The following PORCN variants were observed in gnomAD, a reference collection of about 807,000 sequenced individuals.
The protein encoded by PORCN is porcupine O-acyltransferase.
In PORCN, 1 loss-of-function variant was observed where a neutral mutation model predicts 43.0. The observed-to-expected ratio is 0.02, with a 90% CI of 0.01 to 0.11. PORCN has a LOEUF of 0.11. PORCN is among the 10% of genes least tolerant of loss of function. The pLI is 1.00. For synonymous variants in PORCN, 148 were observed against 166.4 expected (o/e 0.89, Z 0.85); for missense variants, 240 against 392.1 (o/e 0.61, Z 3.28).
At chrX:48,515,551 T>C (rs1437622425) in intron 10 of PORCN, 166 bp from the exon 11 acceptor site, 9 of 499,775 alleles carry the variant, frequency 1.8e-5, no homozygotes, top group Admixed American at 1.6e-4. Flanking sequence ...AGGAGCAGGC[T>C]GGGAAGATCG....
chrX:48,511,969 C>G (rs200164801), intron 4 of PORCN, 34 bp downstream of exon 4: 670 of 1,135,902 alleles, frequency 5.9e-4, no homozygotes, highest in Non-Finnish European at 7.4e-4. Flanking sequence ...CTGCCCAACC[C>G]CCCTGCCCCA....
At chrX:48,514,166 G>A in intron 8 of PORCN, 25 bp downstream of exon 8, 1 of 1,212,069 alleles carries the variant, frequency 8.3e-7, no homozygotes, top group Non-Finnish European at 1.1e-6. Flanking sequence ...CGGGGCCCAG[G>A]ATGCTGACAT....
chrX:48,519,770 C>T (rs1169964541), intron 14 of PORCN, among the ~76,000 whole-genome samples: 2 of 112,245 alleles, frequency 1.8e-5, no homozygotes, highest in African/African-American at 6.5e-5. Context: ...CCCAGGCAGG[C>T]AGATCACTTG....
rs368248747 is a variant in PORCN, at chrX:48,520,597, AACACACACACACAC to A, written c.*133_*146del. On this transcript the variant is annotated 3_prime_UTR_variant, in exon 15 of 15. Transcript: ENST00000326194. ...CTCCATCCTTGACCCCCAACACCTC[AACACACACACACAC>A]ACACACACACAAAATCACACCATTT... The A allele has an allele frequency of 6.2e-6, 3 of 484,964 alleles. No homozygotes were observed. The African/African-American group carries it at 7.5e-5, about 12-fold the overall frequency. 40.0% of individuals were successfully genotyped at this position (484,964 alleles called of 1,213,427 possible).
chrX:48,519,733 T>A (rs782262859), intron 14 of PORCN, among the ~76,000 whole-genome samples: 1 of 112,715 alleles, frequency 8.9e-6, no homozygotes, highest in Non-Finnish European at 1.9e-5. Flanking sequence ...GGGTGGCTCA[T>A]GCCTGTAATC....
rs1280857497 is a variant in PORCN at position 48,519,879 on chromosome X, C to T, written c.1285-496C>T. 7.1e-5 allele frequency among the ~76,000 whole-genome samples: 8 copies of T among 111,928 alleles called. No individual in the cohort carries two copies. In the East Asian group the frequency reaches 2.2e-3, roughly 31 times the overall value. On this transcript the variant is annotated intron_variant, in intron 14 of 14. Coordinates refer to ENST00000326194, the MANE Select transcript of PORCN (RefSeq NM_203475.3). ...GGCATGGTGGTGCAGCATCTGTAAT[C>T]CCAGCTACTCAGGAGGCTGAGGCAG... is the stretch of plus-strand genomic sequence containing the variant.
intron 1 of PORCN, chrX:48,509,423 G>C: frequency 1.3e-6 from 1 of 757,396 alleles, no homozygotes; most frequent in African/African-American, 2.2e-5. Flanking sequence ...CCTCCACTCA[G>C]AGCGACTCTA....
chrX:48,515,693 T>C (rs375670534), intron 10 of PORCN, 24 bp from the exon 11 acceptor site: 360 of 1,184,835 alleles, frequency 3.0e-4, no homozygotes, highest in Non-Finnish European at 3.9e-4. Context: ...AGGAGAATTT[T>C]ATCCCACATC....
chrX:48,517,338 A>G (rs1556975645), intron 14 of PORCN, 45 bp downstream of exon 14: 4 of 940,630 alleles, frequency 4.3e-6, no homozygotes, highest in Non-Finnish European at 6.0e-6. Flanking sequence ...GGGTGGCGCT[A>G]TCTGGCGGGG....
chrX:48,512,021 C>T (rs1358992085), intron 4 of PORCN, 86 bp downstream of exon 4: 7 of 773,704 alleles, frequency 9.0e-6, no homozygotes, highest in Non-Finnish European at 1.4e-5. Flanking sequence ...CCTTTCCTCT[C>T]CTGCTTTTCT....
chrX:48,519,650 C>A (rs74770318), intron 14 of PORCN, among the ~76,000 whole-genome samples: 1 of 112,144 alleles, frequency 8.9e-6, no homozygotes, highest in African/African-American at 3.2e-5. Context: ...GCCTGCTGCC[C>A]CACCAGTACA....
Position 48,512,667 on chromosome X carries a change from C to T in PORCN, c.634C>T (p.Pro212Ser). 1 of 1,211,158 alleles carries T rather than the reference C, an allele frequency of 8.3e-7. No homozygotes were observed. Among genetic ancestry groups the T allele is most frequent in the Admixed American group, 2.2e-5 (1 of 45,974 alleles). Reference sequence around the variant, plus strand: ...CCTTGTGCTGTCCACTTGCGTGGGCCCCTACCTCTTCCCGTACTTCATCCC... The same window carrying T: ...CCTTGTGCTGTCCACTTGCGTGGGCTCCTACCTCTTCCCGTACTTCATCCC... ...LCLVLSTCVG[P>S]YLFPYFIPLN... The change falls in exon 6 of 15, where the codon CCC (proline) becomes TCC (serine). Residue 212 changes from proline (P) to serine (S), a missense_variant. Transcript: ENST00000326194.
intron 14 of PORCN, among the ~76,000 whole-genome samples, chrX:48,517,575 T>G (rs1569478829): frequency 8.9e-6 from 1 of 112,730 alleles, no homozygotes; most frequent in Non-Finnish European, 1.9e-5. Context: ...CCCAGCACTT[T>G]GGGAGGCCAA....
chrX:48,520,023 G>T (rs1174703015), intron 14 of PORCN, among the ~76,000 whole-genome samples: 2 of 111,447 alleles, frequency 1.8e-5, no homozygotes, highest in Non-Finnish European at 3.8e-5. Flanking sequence ...AAATGAGGAA[G>T]ATTATTAATG....
intron 10 of PORCN, chrX:48,515,471 A>G: frequency 2.3e-6 from 1 of 434,771 alleles, no homozygotes; most frequent in Admixed American, 3.9e-5. Flanking sequence ...AATCAAGGGT[A>G]ATTCCCAGGT....
chrX:48,511,877 C>A lies in PORCN; in HGVS notation c.330-15C>A. ...ATGAGTGTCATGGGACCAAGACCAGCACCTTTTTCCTCAGTGAGATGCACA... is the reference window on the plus strand; with the variant it reads ...ATGAGTGTCATGGGACCAAGACCAGAACCTTTTTCCTCAGTGAGATGCACA... On this transcript the variant is annotated splice_polypyrimidine_tract_variant and intron_variant, in intron 3 of 14. Coordinates refer to ENST00000326194, the MANE Select transcript of PORCN (RefSeq NM_203475.3). 1 of 1,208,109 alleles carries A rather than the reference C, an allele frequency of 8.3e-7. No individual in the cohort carries two copies. Among genetic ancestry groups the A allele is most frequent in the South Asian group, 1.8e-5 (1 of 56,863 alleles).
chrX:48,509,390 T>G, intron 1 of PORCN: 1 of 455,044 alleles, frequency 2.2e-6, no homozygotes, highest in Non-Finnish European at 3.2e-6. Flanking sequence ...GGCCCCCAAG[T>G]GTCACAGAAT....
In PORCN at chrX:48,509,910, G is replaced by C; in HGVS notation, c.90G>C (p.Trp30Cys). The C allele has an allele frequency of 8.3e-7, 1 of 1,211,696 alleles. No homozygotes were observed. Among genetic ancestry groups the C allele is most frequent in the Non-Finnish European group, 1.1e-6 (1 of 895,461 alleles). The change falls in exon 2 of 15, where the codon TGG becomes TGC. Residue 30 changes from tryptophan (W) to cysteine (C), a missense_variant. Physicochemically the swap from Trp to Cys is radical, Grantham distance 215. Coordinates refer to ENST00000326194, the MANE Select transcript of PORCN (RefSeq NM_203475.3). ...CCCAGCAGGGCCTTGACCAGATCTG[G>C]CTGCTCCTTGCCATCTGCCTCGCCT... ...PTAQQGLDQI[W>C]LLLAICLACR...
chrX:48,512,681 G>A lies in PORCN; in HGVS notation c.648G>A (p.Pro216=), dbSNP rs782463478. 5.9e-5 allele frequency: 71 copies of A among 1,210,242 alleles called. No individual in the cohort carries two copies. In the South Asian group the frequency reaches 9.3e-4, roughly 16 times the overall value. ...CTTGCGTGGGCCCCTACCTCTTCCC[G>A]TACTTCATCCCCCTCAACGGTGACC... ...LSTCVGPYLF[P]YFIPLNGDRL... Residue 216 remains proline, a synonymous_variant, in exon 6 of 15, where the codon CCG becomes CCA. Coordinates refer to ENST00000326194, the MANE Select transcript of PORCN (RefSeq NM_203475.3).
Sources: allele counts gnomAD v4.1 joint callset (sites outside exome capture counted in the v4.1 genomes callset), GRCh38; gene constraint gnomAD v4.1.1; transcripts MANE v1.5; gene names NCBI Gene and HGNC (gene_info 2026-07-23, HGNC 2026-07-21).